LHFPL6: variants seen among roughly 807,000 people sequenced by gnomAD.
LHFPL6 encodes the protein LHFPL tetraspan subfamily member 6 protein.
In LHFPL6, 9 loss-of-function variants were observed where a neutral mutation model predicts 20.6. The observed-to-expected ratio is 0.44, with a 90% confidence interval of 0.26 to 0.76. The LOEUF (loss-of-function observed/expected upper bound fraction) is 0.76. LHFPL6 is among the 30% of genes least tolerant of loss of function. LHFPL6 has a pLI of 0.20. For missense variants in LHFPL6, 218 were observed against 253.5 expected, an observed-to-expected ratio of 0.86 and a Z score of 0.95; for synonymous variants, 105 against 98.7, an observed-to-expected ratio of 1.06 and a Z score of -0.38.
At chr13:39,400,424 T>C (rs76454547) in intron 2 of LHFPL6, among the ~76,000 whole-genome samples, 2,860 of 152,236 alleles carry the variant, frequency 0.019, 103 homozygotes, top group African/African-American at 0.065. Context: ...TTTTCATCAT[T>C]TGCAGACAGT....
chr13:39,447,997 T>A (rs1181718580), intron 2 of LHFPL6, among the ~76,000 whole-genome samples: 3 of 152,182 alleles, frequency 2.0e-5, no homozygotes, highest in African/African-American at 4.8e-5. Context: ...TGCTACCCTC[T>A]TCCCAAATCC....
intron 2 of LHFPL6, among the ~76,000 whole-genome samples, chr13:39,440,106 T>C (rs1872074836): frequency 6.6e-6 from 1 of 151,766 alleles, no homozygotes; most frequent in Admixed American, 6.6e-5. Context: ...TTTAAAAGGG[T>C]AGAGAGAGAG....
At chr13:39,425,129 G>C (rs755365240) in intron 2 of LHFPL6, among the ~76,000 whole-genome samples, 7 of 152,120 alleles carry the variant, frequency 4.6e-5, no homozygotes, top group Non-Finnish European at 1.0e-4. Context: ...TAACAGGTTA[G>C]TTTGTATTCT....
intron 3 of LHFPL6, among the ~76,000 whole-genome samples, chr13:39,352,862 TGTGTATATATATATATAA>T (rs1869608010): frequency 1.7e-5 from 1 of 60,268 alleles, no homozygotes; most frequent in African/African-American, 7.2e-5. Context: ...TGTATATATA[TGTGTATATATATATATAA>T]ATGTATATAT....
chr13:39,538,122 T>G (rs58662524), intron 2 of LHFPL6, among the ~76,000 whole-genome samples: 1 of 151,234 alleles, frequency 6.6e-6, no homozygotes, highest in Admixed American at 6.6e-5. Context: ...CCCAAGTAGA[T>G]GGGACAACAG....
intron 2 of LHFPL6, among the ~76,000 whole-genome samples, chr13:39,479,135 A>ATCTATCTG (rs780472567): frequency 6.6e-6 from 1 of 151,634 alleles, no homozygotes; most frequent in Admixed American, 6.6e-5. Flanking sequence ...CTATCTATCT[A>ATCTATCTG]TCTATCTATC....
intron 2 of LHFPL6, among the ~76,000 whole-genome samples, chr13:39,423,137 T>C (rs918663903): frequency 2.6e-5 from 4 of 152,104 alleles, no homozygotes; most frequent in Non-Finnish European, 5.9e-5. Flanking sequence ...CCAAACCACA[T>C]CACCAAGAAT....
chr13:39,392,830 G>T (rs906808912), intron 2 of LHFPL6, among the ~76,000 whole-genome samples: 5 of 151,658 alleles, frequency 3.3e-5, no homozygotes, highest in African/African-American at 1.2e-4. Context: ...AGATATATGT[G>T]TAAAATATAT....
chr13:39,595,504 G>C (rs1308115255), intron 2 of LHFPL6, among the ~76,000 whole-genome samples: 1 of 152,168 alleles, frequency 6.6e-6, no homozygotes, highest in African/African-American at 2.4e-5. Context: ...TGTTGGGCAG[G>C]CTGGTCTCGA....
intron 2 of LHFPL6, among the ~76,000 whole-genome samples, chr13:39,438,169 A>G (rs1008979738): frequency 2.0e-5 from 3 of 152,192 alleles, no homozygotes; most frequent in Admixed American, 6.5e-5. Flanking sequence ...CTTATTGGAA[A>G]CTGCAGTAAA....
chr13:39,542,436 T>G (rs4559795), intron 2 of LHFPL6, among the ~76,000 whole-genome samples: 145,791 of 152,280 alleles, frequency 0.96, 69,805 homozygotes, highest in African/African-American at 0.96. Context: ...ATATTCAAGT[T>G]ACAATGACAA....
At chr13:39,562,567 CACAT>C (rs1566142157) in intron 2 of LHFPL6, among the ~76,000 whole-genome samples, 1 of 96,672 alleles carries the variant, frequency 1.0e-5, no homozygotes, top group East Asian at 3.2e-4. Flanking sequence ...CATACATATA[CACAT>C]ACATATATAC....
At chr13:39,372,432 T>C (rs547849037) in intron 3 of LHFPL6, among the ~76,000 whole-genome samples, 1 of 152,226 alleles carries the variant, frequency 6.6e-6, no homozygotes, top group Admixed American at 6.5e-5. Flanking sequence ...CACTGGATAC[T>C]TGTTTAAACC....
At chr13:39,390,952 G>A (rs1255757264) in intron 2 of LHFPL6, among the ~76,000 whole-genome samples, 5 of 152,128 alleles carry the variant, frequency 3.3e-5, no homozygotes, top group East Asian at 1.9e-4. Context: ...AGCTGAGATC[G>A]CGCCACTGCG....
intron 2 of LHFPL6, among the ~76,000 whole-genome samples, chr13:39,426,365 C>A (rs890264170): frequency 1.3e-5 from 2 of 152,032 alleles, no homozygotes; most frequent in Non-Finnish European, 2.9e-5. Context: ...GGATTACAGG[C>A]ATGTGCCACC....
intron 2 of LHFPL6, among the ~76,000 whole-genome samples, chr13:39,382,431 G>T (rs1202323068): frequency 2.0e-5 from 3 of 152,094 alleles, no homozygotes; most frequent in Non-Finnish European, 4.4e-5. Context: ...TTGAGATGGA[G>T]TCTTGCTGTT....
intron 3 of LHFPL6, among the ~76,000 whole-genome samples, chr13:39,354,429 C>A (rs1178452879): frequency 1.4e-4 from 21 of 152,150 alleles, no homozygotes; most frequent in Admixed American, 1.4e-3. Context: ...AGAACACCAG[C>A]CCTCTCAGAT....
At chr13:39,435,928 C>CA (rs1477635065) in intron 2 of LHFPL6, among the ~76,000 whole-genome samples, 1 of 151,890 alleles carries the variant, frequency 6.6e-6, no homozygotes, top group Non-Finnish European at 1.5e-5. Context: ...GTGATGTTCA[C>CA]AAAAAACTGG....
At chr13:39,366,740 C>G (rs770766176) in intron 3 of LHFPL6, among the ~76,000 whole-genome samples, 4 of 152,154 alleles carry the variant, frequency 2.6e-5, no homozygotes, top group Non-Finnish European at 5.9e-5. Flanking sequence ...CCCTTTGTTG[C>G]CCTCTCCTCA....
Sources: gnomAD v4.1 joint callset for allele counts (sites outside exome capture counted in the v4.1 genomes callset) on GRCh38, gnomAD v4.1.1 for gene constraint, MANE v1.5 for transcripts, NCBI Gene and HGNC (gene_info 2026-07-23, HGNC 2026-07-21) for gene names.